The following SOX12 variants were observed in gnomAD, a reference collection of about 807,000 sequenced individuals.
SOX12 encodes SRY-box transcription factor 12, also known as transcription factor SOX-12.
A neutral mutation model predicts 21.5 loss-of-function variants in SOX12; 8 were observed. The observed-to-expected ratio is 0.37, with a 90% CI of 0.22 to 0.67. The LOEUF is 0.67. Among genes scored for constraint, SOX12 ranks in the 30% least tolerant of loss-of-function variants. The pLI, the probability that SOX12 is intolerant of heterozygous loss-of-function variation, is 0.56. For missense variants in SOX12, 400 were observed against 482.6 expected (o/e 0.83, Z 1.60); for synonymous variants, 235 against 224.2 (o/e 1.05, Z -0.43).
rs925408442 is a variant in SOX12 at position 325,692 on chromosome 20, C to A, written c.-233C>A. ...ACAATGTGTGTTGTGAGCCAGGACG[C>A]AACTTGCCGGAGGCGGCGGGGGCGC... On this transcript the variant is annotated 5_prime_UTR_variant, in exon 1 of 1. Coordinates refer to ENST00000342665, the MANE Select transcript of SOX12 (RefSeq NM_006943.4). This position sits in a 1 kb window ranked among gnomAD's most constrained non-coding sequence, Gnocchi z 5.0. 2 of 155,814 alleles carry A rather than the reference C, an allele frequency of 1.3e-5. No homozygotes were observed. Among genetic ancestry groups the A allele is most frequent in the African/African-American group, 2.4e-5 (1 of 41,252 alleles). 9.7% of individuals were successfully genotyped at this position (155,814 alleles called of 1,614,324 possible). A position where few individuals can be genotyped will look rare whatever the true frequency, so the allele number is the denominator to read the frequency against.
Position 328,269 on chromosome 20 carries a change from CCCCTCCGG to C in SOX12, c.*1400_*1407del, listed in dbSNP as rs1288106009. ...GCCGCCATCTCTCTGCCCCGCCCCGCCCCTCCGGCCTCCCCACACCCCCCTTGCCCTCA... is the reference window on the plus strand; with the variant it reads ...GCCGCCATCTCTCTGCCCCGCCCCGCCCTCCCCACACCCCCCTTGCCCTCA... On this transcript the variant is annotated 3_prime_UTR_variant, in exon 1 of 1. Coordinates refer to ENST00000342665, the MANE Select transcript of SOX12 (RefSeq NM_006943.4). 6.0e-6 allele frequency: 1 copy of C among 165,932 alleles called. No homozygotes were observed. Among genetic ancestry groups the C allele is most frequent in the Non-Finnish European group, 1.5e-5 (1 of 68,048 alleles). 10.3% of individuals were successfully genotyped at this position (165,932 alleles called of 1,614,324 possible).
Position 326,488 on chromosome 20 carries a change from G to T in SOX12, c.564G>T (p.Arg188Ser). ...AGACCCCGGGGCGGGAGCTGTGGAGGATGGTCCCGGCGGGACGGGCCGCTC... is the reference window on the plus strand; with the variant it reads ...AGACCCCGGGGCGGGAGCTGTGGAGTATGGTCCCGGCGGGACGGGCCGCTC... ...LVETPGRELW[R>S]MVPAGRAARG... Residue 188 changes from arginine (R) to serine (S), a missense_variant, in exon 1 of 1, where the codon AGG becomes AGT. Around this residue, in one of 4 missense-constraint regions of SOX12, gnomAD observed 235 missense variants for 219.3 expected, o/e 1.07. Coordinates refer to ENST00000342665, the MANE Select transcript of SOX12 (RefSeq NM_006943.4). This position sits in a 1 kb window ranked among gnomAD's most constrained non-coding sequence, Gnocchi z 9.9. The T allele has an allele frequency of 7.0e-7, 1 of 1,425,510 alleles. No individual in the cohort carries two copies. Among genetic ancestry groups the T allele is most frequent in the Non-Finnish European group, 9.1e-7 (1 of 1,101,732 alleles). 88.3% of individuals were successfully genotyped at this position (1,425,510 alleles called of 1,614,324 possible).
At position 326,244 on chromosome 20, in the gene SOX12, A is replaced by G. The variant is rs1344511263; in HGVS notation, c.320A>G (p.Tyr107Cys). The change falls in exon 1 of 1, where the codon TAC (tyrosine) becomes TGC (cysteine). Residue 107 changes from tyrosine to cysteine, a missense_variant. Coordinates refer to ENST00000342665, the MANE Select transcript of SOX12 (RefSeq NM_006943.4). This position sits in a 1 kb window ranked among gnomAD's most constrained non-coding sequence, Gnocchi z 9.9. ...RLKHMADYPD[Y>C]KYRPRKKSKG... ...AAGCACATGGCGGATTACCCGGACT[A>G]CAAGTACCGGCCGCGCAAAAAGAGC... 1.3e-6 allele frequency: 2 copies of G among 1,563,454 alleles called. No individual in the cohort carries two copies. The highest frequency in any genetic ancestry group is 1.4e-5 in the African/African-American group (1 of 71,892).
At position 326,440 on chromosome 20, in the gene SOX12, G is replaced by A. The variant is rs771694928; in HGVS notation, c.516G>A (p.Glu172=). The part of the protein sequence containing the change: ...PEDDDEDDDE[E]LLEVRLVETP... ...ACGACGATGAAGACGACGACGAGGAGCTGCTGGAAGTGCGCCTGGTCGAGA... is the reference window on the plus strand; with the variant it reads ...ACGACGATGAAGACGACGACGAGGAACTGCTGGAAGTGCGCCTGGTCGAGA... The change falls in exon 1 of 1, where the codon GAG becomes GAA. Residue 172 remains glutamate (E), a synonymous_variant. Transcript: ENST00000342665. This position sits in a 1 kb window ranked among gnomAD's most constrained non-coding sequence, Gnocchi z 9.9. 19 of 1,370,180 alleles carry A rather than the reference G, an allele frequency of 1.4e-5. No homozygotes were observed. The South Asian group carries it at 2.8e-4, about 20-fold the overall frequency. The allele number at this position is 1,370,180 out of a possible 1,614,324, so 84.9% of individuals were successfully genotyped here. A position where few individuals can be genotyped will look rare whatever the true frequency, so the allele number is the denominator to read the frequency against.
Position 326,452 on chromosome 20 carries a change from G to C in SOX12, c.528G>C (p.Val176=). 5 of 1,379,244 alleles carry C rather than the reference G, an allele frequency of 3.6e-6. No individual in the cohort carries two copies. The highest frequency in any genetic ancestry group is 4.7e-6 in the Non-Finnish European group (5 of 1,074,822). The allele number at this position is 1,379,244 out of a possible 1,614,324, so 85.4% of individuals were successfully genotyped here. The part of the protein sequence containing the change: ...DEDDDEELLE[V]RLVETPGREL... The stretch of plus-strand genomic sequence containing the variant: ...ACGACGACGAGGAGCTGCTGGAAGT[G>C]CGCCTGGTCGAGACCCCGGGGCGGG... Residue 176 remains valine (V), a synonymous_variant, in exon 1 of 1, where the codon GTG becomes GTC. Transcript: ENST00000342665. The surrounding 1 kb of genome is among the most constrained non-coding windows in gnomAD (Gnocchi z 9.9).
At position 329,386 on chromosome 20, in the gene SOX12, G is replaced by C. The variant is rs13043818; in HGVS notation, c.*2514G>C. The C allele has an allele frequency of 7.6e-3, 1,276 of 167,032 alleles. 12 individuals carry two copies. Among genetic ancestry groups the C allele is most frequent in the Non-Finnish European group, 8.8e-3 (602 of 68,128 alleles). The allele number at this position is 167,032 out of a possible 1,614,324, so 10.3% of individuals were successfully genotyped here. On this transcript the variant is annotated 3_prime_UTR_variant, in exon 1 of 1. Coordinates refer to ENST00000342665, the MANE Select transcript of SOX12 (RefSeq NM_006943.4). The stretch of plus-strand genomic sequence containing the variant: ...TTACTCCATTGTCAGAGGAGGAAAC[G>C]GGGTCAGGCAGGAAAGCAACTTAAA...
Position 327,694 on chromosome 20 carries a change from G to A in SOX12, c.*822G>A, listed in dbSNP as rs934709213. ...CTCCGGTCGCGTGGCTGCCTCTACA[G>A]CCTACCTATACGTCCCTTTTTCCCC... On this transcript the variant is annotated 3_prime_UTR_variant, in exon 1 of 1. Coordinates refer to ENST00000342665, the MANE Select transcript of SOX12 (RefSeq NM_006943.4). 15 of 167,152 alleles carry A rather than the reference G, an allele frequency of 9.0e-5. No individual in the cohort carries two copies. The highest frequency in any genetic ancestry group is 3.1e-4 in the African/African-American group (13 of 41,468). The allele number at this position is 167,152 out of a possible 1,614,324, so 10.4% of individuals were successfully genotyped here. A position where few individuals can be genotyped will look rare whatever the true frequency, so the allele number is the denominator to read the frequency against.
Position 326,560 on chromosome 20 carries a change from C to G in SOX12, c.636C>G (p.Ala212=), listed in dbSNP as rs546352861. ...AAGGGCCGTCGGGCGAGGGGGCGGCCGCCGCCGCCGCCGCCTCCCCGACAC... is the reference window on the plus strand; with the variant it reads ...AAGGGCCGTCGGGCGAGGGGGCGGCGGCCGCCGCCGCCGCCTCCCCGACAC... ...RAQGPSGEGA[A]AAAAASPTPS... is the part of the protein sequence containing the mutation. Residue 212 remains alanine, a synonymous_variant, in exon 1 of 1, where the codon GCC becomes GCG. Coordinates refer to ENST00000342665, the MANE Select transcript of SOX12 (RefSeq NM_006943.4). The surrounding 1 kb of genome is among the most constrained non-coding windows in gnomAD (Gnocchi z 9.9). 1,043 of 1,487,518 alleles carry G rather than the reference C, an allele frequency of 7.0e-4. 5 individuals are homozygous for G. The African/African-American group carries it at 0.014, about 19-fold the overall frequency. 92.1% of individuals were successfully genotyped at this position (1,487,518 alleles called of 1,614,324 possible).
rs2013107536 is a variant in SOX12 at position 326,943 on chromosome 20, C to G, written c.*71C>G. The stretch of plus-strand genomic sequence containing the variant: ...ATACAGGAATCAGGTATTGGGGCCC[C>G]TCGGAGGCCGAGGCTGGCACCCCAT... On this transcript the variant is annotated 3_prime_UTR_variant, in exon 1 of 1. Coordinates refer to ENST00000342665, the MANE Select transcript of SOX12 (RefSeq NM_006943.4). The surrounding 1 kb of genome is among the most constrained non-coding windows in gnomAD (Gnocchi z 9.9). 6.7e-7 allele frequency: 1 copy of G among 1,488,924 alleles called. No individual in the cohort carries two copies. The highest frequency in any genetic ancestry group is 1.1e-5 in the South Asian group (1 of 88,624). The allele number at this position is 1,488,924 out of a possible 1,614,324, so 92.2% of individuals were successfully genotyped here. A position where few individuals can be genotyped will look rare whatever the true frequency, so the allele number is the denominator to read the frequency against.
chr20:326,471 G>A lies in SOX12; in HGVS notation c.547G>A (p.Gly183Arg). Residue 183 changes from glycine (G) to arginine (R), a missense_variant, in exon 1 of 1, where the codon GGG becomes AGG. By Grantham distance (125) the Gly-to-Arg change is moderately radical. This residue lies in a region of SOX12 where 235 missense variants were observed against 219.3 expected (regional missense o/e 1.07). Transcript: ENST00000342665. The surrounding 1 kb of genome is among the most constrained non-coding windows in gnomAD (Gnocchi z 9.9). Reference sequence around the variant, plus strand: ...GGAAGTGCGCCTGGTCGAGACCCCGGGGCGGGAGCTGTGGAGGATGGTCCC... The same window carrying A: ...GGAAGTGCGCCTGGTCGAGACCCCGAGGCGGGAGCTGTGGAGGATGGTCCC... The part of the protein sequence containing the change: ...LLEVRLVETP[G>R]RELWRMVPAG... 1.4e-6 allele frequency: 2 copies of A among 1,396,198 alleles called. No individual in the cohort carries two copies. The highest frequency in any genetic ancestry group is 2.9e-5 in the East Asian group (1 of 34,212). 86.5% of individuals were successfully genotyped at this position (1,396,198 alleles called of 1,614,324 possible).
Position 326,059 on chromosome 20 carries a change from C to T in SOX12, c.135C>T (p.Asn45=). ...TPSGHIKRPM[N]AFMVWSQHER... ...GCGGCCACATCAAGAGGCCGATGAA[C>T]GCATTCATGGTGTGGTCGCAGCACG... is the stretch of plus-strand genomic sequence containing the variant. Residue 45 remains asparagine, a synonymous_variant, in exon 1 of 1, where the codon AAC becomes AAT. Coordinates refer to ENST00000342665, the MANE Select transcript of SOX12 (RefSeq NM_006943.4). The surrounding 1 kb of genome is among the most constrained non-coding windows in gnomAD (Gnocchi z 9.9). 6.3e-7 allele frequency: 1 copy of T among 1,598,952 alleles called. No homozygotes were observed. The highest frequency in any genetic ancestry group is 8.5e-7 in the Non-Finnish European group (1 of 1,173,610).
At position 327,171 on chromosome 20, in the gene SOX12, A is replaced by C; in HGVS notation, c.*299A>C. The C allele has an allele frequency of 5.3e-6, 2 of 377,964 alleles. No homozygotes were observed. The highest frequency in any genetic ancestry group is 2.4e-5 in the African/African-American group (1 of 40,932). The allele number at this position is 377,964 out of a possible 1,614,324, so 23.4% of individuals were successfully genotyped here. Reference sequence around the variant, plus strand: ...CTCCCGTCCTCTCCTACAGACCTGCACCCCTCCCCCCTTTTGCACACGCCC... The same window carrying C: ...CTCCCGTCCTCTCCTACAGACCTGCCCCCCTCCCCCCTTTTGCACACGCCC... On this transcript the variant is annotated 3_prime_UTR_variant, in exon 1 of 1. Coordinates refer to ENST00000342665, the MANE Select transcript of SOX12 (RefSeq NM_006943.4).
rs2122433342 is a variant in SOX12 at position 326,849 on chromosome 20, G to A, written c.925G>A (p.Ala309Thr). 2 of 1,613,360 alleles carry A rather than the reference G, an allele frequency of 1.2e-6. No homozygotes were observed. Among genetic ancestry groups the A allele is most frequent in the East Asian group, 2.2e-5 (1 of 44,844 alleles). ...GGGGGACTGGCGCCCGTCTAGCATC[G>A]CAGACCTGGTTTTCACCTACTGAGC... Reference protein sequence around the residue: ...IAGDWRPSSIADLVFTY With the variant: ...IAGDWRPSSITDLVFTY Residue 309 changes from alanine to threonine, a missense_variant, in exon 1 of 1, where the codon GCA becomes ACA. By Grantham distance (58) the Ala-to-Thr change is moderately conservative (BLOSUM62 0). Coordinates refer to ENST00000342665, the MANE Select transcript of SOX12 (RefSeq NM_006943.4). The surrounding 1 kb of genome is among the most constrained non-coding windows in gnomAD (Gnocchi z 9.9).
chr20:326,555 G>A lies in SOX12; in HGVS notation c.631G>A (p.Ala211Thr), dbSNP rs2013096242. The change falls in exon 1 of 1, where the codon GCG becomes ACG. Residue 211 changes from alanine to threonine, a missense_variant. By Grantham distance (58) the Ala-to-Thr change is moderately conservative (BLOSUM62 0). Around this residue, in one of 4 missense-constraint regions of SOX12, gnomAD observed 235 missense variants for 219.3 expected, o/e 1.07. Coordinates refer to ENST00000342665, the MANE Select transcript of SOX12 (RefSeq NM_006943.4). The surrounding 1 kb of genome is among the most constrained non-coding windows in gnomAD (Gnocchi z 9.9). ...CGCCCAAGGGCCGTCGGGCGAGGGGGCGGCCGCCGCCGCCGCCGCCTCCCC... is the reference window on the plus strand; with the variant it reads ...CGCCCAAGGGCCGTCGGGCGAGGGGACGGCCGCCGCCGCCGCCGCCTCCCC... The part of the protein sequence containing the change: ...ERAQGPSGEG[A>T]AAAAAASPTP... 2 of 1,515,640 alleles carry A rather than the reference G, an allele frequency of 1.3e-6. No individual in the cohort carries two copies. The highest frequency in any genetic ancestry group is 4.5e-5 in the Admixed American group (2 of 44,442). 93.9% of individuals were successfully genotyped at this position (1,515,640 alleles called of 1,614,324 possible).
At position 327,228 on chromosome 20, in the gene SOX12, T is replaced by C. The variant is rs2013116508; in HGVS notation, c.*356T>C. The stretch of plus-strand genomic sequence containing the variant: ...GTGGCCGGAGGACCCGCCCCCTCCT[T>C]TGCTCCGGAATCTCTCCTCCCTCGC... On this transcript the variant is annotated 3_prime_UTR_variant, in exon 1 of 1. Coordinates refer to ENST00000342665, the MANE Select transcript of SOX12 (RefSeq NM_006943.4). 7.6e-6 allele frequency: 2 copies of C among 262,232 alleles called. No homozygotes were observed. The highest frequency in any genetic ancestry group is 5.7e-5 in the Admixed American group (1 of 17,664). The allele number at this position is 262,232 out of a possible 1,614,324, so 16.2% of individuals were successfully genotyped here. A position where few individuals can be genotyped will look rare whatever the true frequency, so the allele number is the denominator to read the frequency against.
chr20:326,551 G>T lies in SOX12; in HGVS notation c.627G>T (p.Glu209Asp). 1 of 1,514,264 alleles carries T rather than the reference G, an allele frequency of 6.6e-7. No individual in the cohort carries two copies. Among genetic ancestry groups the T allele is most frequent in the Non-Finnish European group, 8.8e-7 (1 of 1,137,772 alleles). 93.8% of individuals were successfully genotyped at this position (1,514,264 alleles called of 1,614,324 possible). ...AGCGCGCCCAAGGGCCGTCGGGCGA[G>T]GGGGCGGCCGCCGCCGCCGCCGCCT... ...QAERAQGPSG[E>D]GAAAAAAASP... is the part of the protein sequence containing the mutation. Residue 209 changes from glutamate (E) to aspartate (D), a missense_variant, in exon 1 of 1, where the codon GAG becomes GAT. Transcript: ENST00000342665. The surrounding 1 kb of genome is among the most constrained non-coding windows in gnomAD (Gnocchi z 9.9).
In SOX12 at chr20:327,116, G is replaced by GCCA; in HGVS notation, c.*248_*250dup. Reference sequence around the variant, plus strand: ...TCCCCACGTCGCCCCCTCCTGCACAGCCACCAGCAGCCAGCCCCCTCCGAT... The same window carrying GCCA: ...TCCCCACGTCGCCCCCTCCTGCACAGCCACCACCAGCAGCCAGCCCCCTCCGAT... On this transcript the variant is annotated 3_prime_UTR_variant, in exon 1 of 1. Coordinates refer to ENST00000342665, the MANE Select transcript of SOX12 (RefSeq NM_006943.4). 1 of 533,928 alleles carries GCCA rather than the reference G, an allele frequency of 1.9e-6. No homozygotes were observed. Among genetic ancestry groups the GCCA allele is most frequent in the African/African-American group, 2.2e-5 (1 of 45,908 alleles). 33.1% of individuals were successfully genotyped at this position (533,928 alleles called of 1,614,324 possible).
In SOX12 at chr20:326,298, GC is replaced by G. The variant is rs1345087091; in HGVS notation, c.381del (p.Gly128ValfsTer171). On this transcript the variant is annotated frameshift_variant, in exon 1 of 1. Transcript: ENST00000342665. LOFTEE classifies it high-confidence loss of function. The surrounding 1 kb of genome is among the most constrained non-coding windows in gnomAD (Gnocchi z 9.9). The part of the protein sequence containing the change: ...SKGAPAKARP[R>X]PPGGSGGGSR... ...GGGGCGCCCGCCAAGGCGCGGCCCC[GC>G]CCCCCCGGTGGTAGCGGTGGCGGCA... 2.0e-5 allele frequency: 28 copies of G among 1,418,236 alleles called. No homozygotes were observed. Among genetic ancestry groups the G allele is most frequent in the South Asian group, 7.5e-5 (5 of 66,236 alleles). 87.9% of individuals were successfully genotyped at this position (1,418,236 alleles called of 1,614,324 possible). A position where few individuals can be genotyped will look rare whatever the true frequency, so the allele number is the denominator to read the frequency against.
chr20:329,869 T>G lies in SOX12; in HGVS notation c.*2997T>G, dbSNP rs987997583. ...CTGGCGAAGTAAGAGGAGGTAGAGTTGAGAAGGTGTGGAAGATAGGGACAG... is the reference window on the plus strand; with the variant it reads ...CTGGCGAAGTAAGAGGAGGTAGAGTGGAGAAGGTGTGGAAGATAGGGACAG... On this transcript the variant is annotated 3_prime_UTR_variant, in exon 1 of 1. Transcript: ENST00000342665. 3.0e-5 allele frequency: 5 copies of G among 167,042 alleles called. No individual in the cohort carries two copies. Among genetic ancestry groups the G allele is most frequent in the African/African-American group, 7.2e-5 (3 of 41,432 alleles). 10.3% of individuals were successfully genotyped at this position (167,042 alleles called of 1,614,324 possible).
Sources: allele counts gnomAD v4.1 joint callset, GRCh38; gene constraint gnomAD v4.1.1; regional missense constraint gnomAD v4.1.1; non-coding constraint Gnocchi (gnomAD v3.1); transcripts MANE v1.5; gene names NCBI Gene and HGNC (gene_info 2026-07-23, HGNC 2026-07-21).